The following KCNIP4 variants were observed in gnomAD, a reference collection of about 807,000 sequenced individuals.
KCNIP4 encodes the protein potassium voltage-gated channel interacting protein 4, also known as Kv channel-interacting protein 4.
Under a neutral mutation model 34.0 loss-of-function variants are expected in KCNIP4, and 12 were observed. That is an observed-to-expected ratio of 0.35 (90% confidence interval 0.23 to 0.57). The LOEUF is 0.57. KCNIP4 is among the 20% of genes least tolerant of loss of function. The pLI, the probability that KCNIP4 is intolerant of heterozygous loss-of-function variation, is 0.83. For missense variants in KCNIP4, 238 were observed against 311.7 expected (o/e 0.76, Z 1.78); for synonymous variants, 124 against 102.2 (o/e 1.21, Z -1.29).
At chr4:21,478,594 G>A (rs1731178067) in intron 1 of KCNIP4, among the ~76,000 whole-genome samples, 1 of 152,210 alleles carries the variant, frequency 6.6e-6, no homozygotes, top group Non-Finnish European at 1.5e-5. Flanking sequence ...CGTTATTTTG[G>A]CCCTCATAGG....
intron 1 of KCNIP4, among the ~76,000 whole-genome samples, chr4:21,155,997 T>C (rs1285048905): frequency 6.6e-6 from 1 of 152,164 alleles, no homozygotes; most frequent in Non-Finnish European, 1.5e-5. Context: ...CTTAGCTGAG[T>C]TTCCTAATCT....
At chr4:21,258,445 T>G (rs1761226190) in intron 1 of KCNIP4, among the ~76,000 whole-genome samples, 1 of 152,170 alleles carries the variant, frequency 6.6e-6, no homozygotes, top group African/African-American at 2.4e-5. Flanking sequence ...TTTTCTTTAA[T>G]TGGACACCCA....
At chr4:21,598,146 G>A (rs1049871633) in intron 1 of KCNIP4, among the ~76,000 whole-genome samples, 3 of 152,152 alleles carry the variant, frequency 2.0e-5, no homozygotes, top group South Asian at 4.1e-4. Context: ...GTAATACTGT[G>A]TTTTATGCAT....
At chr4:21,000,489 AGCCTGGCCAACATGGTGGAAC>A (rs1255185164) in intron 1 of KCNIP4, among the ~76,000 whole-genome samples, 1 of 152,118 alleles carries the variant, frequency 6.6e-6, no homozygotes, top group Non-Finnish European at 1.5e-5. Context: ...GTTCGAGACC[AGCCTGGCCAACATGGTGGAAC>A]CCTGTCTCTA....
chr4:21,593,039 T>C (rs1742337873), intron 1 of KCNIP4, among the ~76,000 whole-genome samples: 1 of 152,038 alleles, frequency 6.6e-6, no homozygotes, highest in Admixed American at 6.6e-5. Flanking sequence ...GTCCAGTGGT[T>C]TTCCAACTCC....
At chr4:21,603,724 T>C (rs1743404233) in intron 1 of KCNIP4, among the ~76,000 whole-genome samples, 1 of 151,658 alleles carries the variant, frequency 6.6e-6, no homozygotes, top group African/African-American at 2.4e-5. Context: ...GTTAAATGAA[T>C]GCTAATGACC....
intron 1 of KCNIP4, among the ~76,000 whole-genome samples, chr4:21,878,313 C>T (rs561933109): frequency 5.8e-4 from 89 of 152,160 alleles, no homozygotes; most frequent in Middle Eastern, 3.4e-3. Flanking sequence ...TAATCTCAAG[C>T]GATCCACCTG....
intron 3 of KCNIP4, among the ~76,000 whole-genome samples, chr4:20,759,422 T>G (rs1270058712): frequency 6.6e-6 from 1 of 152,166 alleles, no homozygotes; most frequent in Non-Finnish European, 1.5e-5. Flanking sequence ...ACAAGTGACC[T>G]TGGGTGAGAT....
intron 1 of KCNIP4, among the ~76,000 whole-genome samples, chr4:21,594,563 T>C (rs1472681876): frequency 6.6e-6 from 1 of 151,954 alleles, no homozygotes; most frequent in East Asian, 1.9e-4. Context: ...AAACCAGCAT[T>C]AGAAATTATA....
chr4:21,177,016 TCTA>T (rs1315321380), intron 1 of KCNIP4, among the ~76,000 whole-genome samples: 1 of 152,230 alleles, frequency 6.6e-6, no homozygotes, highest in African/African-American at 2.4e-5. Context: ...TTAAACAGGA[TCTA>T]CTTTGGAGAT....
chr4:21,015,331 GA>G (rs1460326556), intron 1 of KCNIP4, among the ~76,000 whole-genome samples: 1 of 145,768 alleles, frequency 6.9e-6, no homozygotes, highest in Non-Finnish European at 1.5e-5. Flanking sequence ...GAGAGGTAGA[GA>G]GAGCAGATGA....
At chr4:21,563,035 A>G (rs1739583959) in intron 1 of KCNIP4, among the ~76,000 whole-genome samples, 1 of 152,046 alleles carries the variant, frequency 6.6e-6, no homozygotes, top group Non-Finnish European at 1.5e-5. Context: ...AAGGATTTTA[A>G]AAACATTACT....
At chr4:21,042,842 G>A (rs538793894) in intron 1 of KCNIP4, among the ~76,000 whole-genome samples, 3 of 152,038 alleles carry the variant, frequency 2.0e-5, no homozygotes, top group South Asian at 4.2e-4. Flanking sequence ...AGGTGAGAAT[G>A]TGTCTCCATT....
intron 1 of KCNIP4, among the ~76,000 whole-genome samples, chr4:20,925,225 C>T (rs1269883991): frequency 1.3e-5 from 2 of 152,070 alleles, no homozygotes; most frequent in African/African-American, 4.8e-5. Context: ...TGACTATTGG[C>T]TATTTGAATC....
At chr4:21,753,403 C>A (rs1717285656) in intron 1 of KCNIP4, among the ~76,000 whole-genome samples, 1 of 152,176 alleles carries the variant, frequency 6.6e-6, no homozygotes, top group African/African-American at 2.4e-5. Flanking sequence ...CAGCACAGAC[C>A]TCATGGAAGA....
At chr4:21,697,570 T>C (rs1712477271) in intron 1 of KCNIP4, 2 of 1,394,902 alleles carry the variant, frequency 1.4e-6, no homozygotes, top group Non-Finnish European at 1.8e-6. Context: ...ACAACTCCTG[T>C]GGAATTAGCT....
At chr4:21,486,959 G>A (rs1452417521) in intron 1 of KCNIP4, among the ~76,000 whole-genome samples, 1 of 151,748 alleles carries the variant, frequency 6.6e-6, no homozygotes, top group Non-Finnish European at 1.5e-5. Flanking sequence ...CATCACACCT[G>A]GCTAATTTTT....
chr4:21,666,367 C>T (rs912401719), intron 1 of KCNIP4, among the ~76,000 whole-genome samples: 2 of 152,190 alleles, frequency 1.3e-5, no homozygotes, highest in African/African-American at 4.8e-5. Flanking sequence ...GGATCATCTC[C>T]CCACATTACT....
chr4:20,815,381 T>C (rs185408662), intron 3 of KCNIP4, among the ~76,000 whole-genome samples: 3 of 152,228 alleles, frequency 2.0e-5, no homozygotes, highest in East Asian at 1.9e-4. Flanking sequence ...AGGGAAGGAA[T>C]TGTCTCAGCC....
Sources: allele counts gnomAD v4.1 joint callset (sites outside exome capture counted in the v4.1 genomes callset), GRCh38; gene constraint gnomAD v4.1.1; transcripts MANE v1.5; gene names NCBI Gene and HGNC (gene_info 2026-07-23, HGNC 2026-07-21).